Variants in ADAMTS3 observed in about 807,000 individuals in gnomAD.
ADAMTS3 encodes ADAM metallopeptidase with thrombospondin type 1 motif 3, also known as A disintegrin and metalloproteinase with thrombospondin motifs 3.
In ADAMTS3, 73 loss-of-function variants were observed where a neutral mutation model predicts 129.0. The ratio of observed to expected loss-of-function variants is 0.57; its 90% CI spans 0.47 to 0.69. The LOEUF (loss-of-function observed/expected upper bound fraction) is 0.69, where lower values mean the gene tolerates loss of function less well. Ranked by LOEUF, ADAMTS3 falls within the 30% of genes least tolerant of loss-of-function variation. The pLI, the probability that ADAMTS3 is intolerant of heterozygous loss-of-function variation, is 0.00. For synonymous variants in ADAMTS3, 477 were observed against 510.8 expected, an observed-to-expected ratio of 0.93 and a Z score of 0.89; for missense variants, 1,457 against 1,514.5, an observed-to-expected ratio of 0.96 and a Z score of 0.63.
Position 72,478,323 on chromosome 4 carries a change from A to T in ADAMTS3, c.505-63352T>A, listed in dbSNP as rs547510959. On this transcript the variant is annotated intron_variant, in intron 3 of 21. Transcript: ENST00000286657. The stretch of plus-strand genomic sequence containing the variant: ...ATACTGGCAAAACGAATCCAGCAGC[A>T]CATCAAAAAGCTTATCCACCATGAT... Among the ~76,000 whole-genome samples, 15 of 151,570 alleles carry T rather than the reference A, an allele frequency of 9.9e-5. No homozygotes were observed. In the South Asian group the frequency reaches 3.2e-3, roughly 32 times the overall value.
chr4:72,443,866 C>G (rs1718183507), intron 3 of ADAMTS3, among the ~76,000 whole-genome samples: 2 of 151,606 alleles, frequency 1.3e-5, no homozygotes, highest in South Asian at 4.1e-4. Flanking sequence ...CTATGGGTCA[C>G]TAGTTCCAAC....
intron 5 of ADAMTS3, among the ~76,000 whole-genome samples, chr4:72,337,197 C>A (rs1720013337): frequency 6.6e-6 from 1 of 152,048 alleles, no homozygotes. Context: ...AAATTATTTT[C>A]TCTCCCATAG....
intron 2 of ADAMTS3, 134 bp from the exon 3 acceptor site, chr4:72,549,018 A>C: frequency 1.4e-6 from 1 of 696,672 alleles, no homozygotes; most frequent in Non-Finnish European, 2.2e-6. Flanking sequence ...GAATCAGCTC[A>C]TAAATATTAA....
chr4:72,306,277 A>AG (rs926251452), intron 15 of ADAMTS3, among the ~76,000 whole-genome samples: 5 of 151,888 alleles, frequency 3.3e-5, no homozygotes, highest in Non-Finnish European at 7.4e-5. Flanking sequence ...TTTATTAAAG[A>AG]GGGAAAAAAG....
intron 4 of ADAMTS3, among the ~76,000 whole-genome samples, chr4:72,351,079 T>G (rs138903773): frequency 1.5e-3 from 233 of 151,992 alleles, no homozygotes; most frequent in Non-Finnish European, 2.6e-3. Flanking sequence ...GCTGGGGCAA[T>G]CCTGAGGCTC....
chr4:72,288,696 G>A lies in ADAMTS3; in HGVS notation c.3049+55C>T, dbSNP rs1040426468. On this transcript the variant is annotated intron_variant, in intron 21 of 21. Coordinates refer to ENST00000286657, the MANE Select transcript of ADAMTS3 (RefSeq NM_014243.3). ...ATAACTTCTCTCAAAAGGAAATTCT[G>A]CTTTTTGAGGTTTAAAAACATCAGA... is the stretch of plus-strand genomic sequence containing the variant. The A allele has an allele frequency of 4.4e-6, 5 of 1,131,798 alleles. No homozygotes were observed. The African/African-American group carries it at 7.7e-5, about 17-fold the overall frequency. 70.1% of individuals were successfully genotyped at this position (1,131,798 alleles called of 1,614,324 possible). A position where few individuals can be genotyped will look rare whatever the true frequency, so the allele number is the denominator to read the frequency against.
At chr4:72,483,351 C>T (rs1719491014) in intron 3 of ADAMTS3, among the ~76,000 whole-genome samples, 1 of 152,092 alleles carries the variant, frequency 6.6e-6, no homozygotes, top group South Asian at 2.1e-4. Flanking sequence ...AAGTTATACC[C>T]CAATAAATCT....
chr4:72,340,440 C>T (rs997268264), intron 4 of ADAMTS3, among the ~76,000 whole-genome samples: 1 of 151,630 alleles, frequency 6.6e-6, no homozygotes, highest in Non-Finnish European at 1.5e-5. Context: ...CAGGGATACA[C>T]AGGAAAACTT....
At chr4:72,291,798 T>C (rs1197385228) in intron 19 of ADAMTS3, among the ~76,000 whole-genome samples, 1 of 152,174 alleles carries the variant, frequency 6.6e-6, no homozygotes, top group African/African-American at 2.4e-5. Context: ...ATGGTATTTC[T>C]AGTTCTAGAT....
chr4:72,433,846 T>C (rs1392366847), intron 3 of ADAMTS3, among the ~76,000 whole-genome samples: 1 of 151,886 alleles, frequency 6.6e-6, no homozygotes, highest in East Asian at 1.9e-4. Flanking sequence ...TTGTTATTTT[T>C]AAACTGTGGA....
chr4:72,487,353 A>G (rs1035974164), intron 3 of ADAMTS3, among the ~76,000 whole-genome samples: 16 of 152,150 alleles, frequency 1.1e-4, no homozygotes, highest in Non-Finnish European at 2.4e-4. Context: ...ATTTGCAGCA[A>G]GTATTCTGAC....
In ADAMTS3 at chr4:72,529,672, ATAT is replaced by A. The variant is rs1299392872; in HGVS notation, c.504+18803_504+18805del. ...TTATAATATATATATAAAATATTAA[ATAT>A]TATTTATATATTAAATAATATATAT... On this transcript the variant is annotated intron_variant, in intron 3 of 21. Transcript: ENST00000286657. Among the ~76,000 whole-genome samples the A allele has an allele frequency of 2.4e-5, 3 of 127,186 alleles. No homozygotes were observed. The East Asian group carries it at 6.3e-4, about 27-fold the overall frequency. The allele number at this position is 127,186 out of a possible 152,430, so 83.4% of individuals were successfully genotyped here.
At position 72,425,996 on chromosome 4, in the gene ADAMTS3, T is replaced by C. The variant is rs567387839; in HGVS notation, c.505-11025A>G. On this transcript the variant is annotated intron_variant, in intron 3 of 21. Coordinates refer to ENST00000286657, the MANE Select transcript of ADAMTS3 (RefSeq NM_014243.3). ...TTCTCCACATCCTCTCTAGCACCTG[T>C]TGCTTCCTGACTTTTTAATGATTGC... Among the ~76,000 whole-genome samples, 50 of 152,264 alleles carry C rather than the reference T, an allele frequency of 3.3e-4. No individual in the cohort carries two copies. The South Asian group carries it at 1.0e-2, about 30-fold the overall frequency.
intron 4 of ADAMTS3, among the ~76,000 whole-genome samples, chr4:72,388,159 T>C (rs1023966487): frequency 6.6e-5 from 10 of 152,212 alleles, no homozygotes; most frequent in African/African-American, 2.2e-4. Context: ...TGTCATGCCA[T>C]GTGACAGACA....
At chr4:72,485,415 G>A (rs115560487) in intron 3 of ADAMTS3, among the ~76,000 whole-genome samples, 3 of 152,046 alleles carry the variant, frequency 2.0e-5, no homozygotes, top group African/African-American at 7.2e-5. Flanking sequence ...AGATCATAGA[G>A]AATAGATAAA....
chr4:72,354,485 T>C (rs1021284171), intron 4 of ADAMTS3, among the ~76,000 whole-genome samples: 5 of 152,034 alleles, frequency 3.3e-5, no homozygotes, highest in African/African-American at 7.2e-5. Flanking sequence ...CCCAGATGTC[T>C]CTTCAGGTGG....
chr4:72,438,145 A>G (rs142292783), intron 3 of ADAMTS3, among the ~76,000 whole-genome samples: 1 of 151,688 alleles, frequency 6.6e-6, no homozygotes, highest in African/African-American at 2.4e-5. Context: ...CTATATCCAG[A>G]GGTAATAGTA....
intron 5 of ADAMTS3, among the ~76,000 whole-genome samples, chr4:72,338,735 T>C (rs1355215208): frequency 6.6e-6 from 1 of 152,136 alleles, no homozygotes; most frequent in Non-Finnish European, 1.5e-5. Context: ...ATATATTTCA[T>C]ATTGGCATGA....
chr4:72,418,319 A>T (rs907950553), intron 3 of ADAMTS3, among the ~76,000 whole-genome samples: 6 of 152,140 alleles, frequency 3.9e-5, no homozygotes, highest in African/African-American at 1.4e-4. Flanking sequence ...TGGCAGCCAA[A>T]ATTGCCCTTT....
Sources: allele counts gnomAD v4.1 joint callset (sites outside exome capture counted in the v4.1 genomes callset), GRCh38; gene constraint gnomAD v4.1.1; transcripts MANE v1.5; gene names NCBI Gene and HGNC (gene_info 2026-07-23, HGNC 2026-07-21).